The following MCFD2 variants were observed in gnomAD, a reference collection of about 807,000 sequenced individuals.
MCFD2 encodes the protein multiple coagulation factor deficiency 2, ER cargo receptor complex subunit, also known as multiple coagulation factor deficiency protein 2.
A neutral mutation model predicts 12.8 loss-of-function variants in MCFD2; 11 were observed. The ratio of observed to expected loss-of-function variants is 0.86; its 90% CI spans 0.54 to 1.42. The LOEUF is 1.42. MCFD2 is among the 40% of genes most tolerant of loss of function. MCFD2 has a pLI of 0.00. For synonymous variants in MCFD2, 70 were observed against 68.1 expected, an observed-to-expected ratio of 1.03 and a Z score of -0.14; for missense variants, 191 against 178.6, an observed-to-expected ratio of 1.07 and a Z score of -0.40.
chr2:46,909,560 T>C (rs1041287762), intron 1 of MCFD2, among the ~76,000 whole-genome samples: 2 of 152,106 alleles, frequency 1.3e-5, no homozygotes, highest in African/African-American at 4.8e-5. Context: ...GCGAAAACCC[T>C]CTAGGAGTTC....
At chr2:46,931,387 G>T (rs1192028233) in intron 1 of MCFD2, among the ~76,000 whole-genome samples, 1 of 152,238 alleles carries the variant, frequency 6.6e-6, no homozygotes. Flanking sequence ...TGCTCAGATT[G>T]AATGTTATTT....
At position 46,902,390 on chromosome 2, in the gene MCFD2, G is replaced by GCC. The variant is rs559484016; in HGVS notation, c.*3072_*3073insGG. 2.1e-3 allele frequency: 314 copies of GCC among 152,698 alleles called. 3 individuals carry two copies. Among genetic ancestry groups the GCC allele is most frequent in the Non-Finnish European group, 1.4e-3 (96 of 68,018 alleles). 9.5% of individuals were successfully genotyped at this position (152,698 alleles called of 1,614,324 possible). A position where few individuals can be genotyped will look rare whatever the true frequency, so the allele number is the denominator to read the frequency against. On this transcript the variant is annotated 3_prime_UTR_variant, in exon 4 of 4. Transcript: ENST00000319466. ...TAGGCCAGGTGGTAGTTTTACCCCTGCTGATAAAGTCCTGACATTCCTAAT... is the reference window on the plus strand; with the variant it reads ...TAGGCCAGGTGGTAGTTTTACCCCTGCCCTGATAAAGTCCTGACATTCCTAAT...
chr2:46,929,274 C>T (rs1424178937), intron 1 of MCFD2, among the ~76,000 whole-genome samples: 2 of 151,696 alleles, frequency 1.3e-5, no homozygotes, highest in Non-Finnish European at 2.9e-5. Context: ...GCTTGAGGCC[C>T]ACAGTTCTGA....
Position 46,908,133 on chromosome 2 carries a change from C to A in MCFD2, c.150-164G>T. On this transcript the variant is annotated intron_variant, in intron 2 of 3. Transcript: ENST00000319466. This position sits in a 1 kb window ranked among gnomAD's most constrained non-coding sequence, Gnocchi z 4.5. ...AGGATTACACAGAGATAGACAAGGC[C>A]TTGAGAGGAGCAGGAAAAGTCAAAT... The A allele has an allele frequency of 1.3e-6, 1 of 745,616 alleles. No homozygotes were observed. The highest frequency in any genetic ancestry group is 2.3e-6 in the Non-Finnish European group (1 of 433,532). 46.2% of individuals were successfully genotyped at this position (745,616 alleles called of 1,614,324 possible). A position where few individuals can be genotyped will look rare whatever the true frequency, so the allele number is the denominator to read the frequency against.
intron 1 of MCFD2, among the ~76,000 whole-genome samples, chr2:46,924,172 C>T (rs1419340825): frequency 6.6e-6 from 1 of 151,276 alleles, no homozygotes; most frequent in African/African-American, 2.4e-5. Flanking sequence ...CCACTGCACT[C>T]CAGTCTGGGT....
chr2:46,938,438 C>T (rs1480354172), intron 1 of MCFD2, among the ~76,000 whole-genome samples: 2 of 152,102 alleles, frequency 1.3e-5, no homozygotes, highest in African/African-American at 2.4e-5. Flanking sequence ...GTGCCTCGGA[C>T]CTTCAACCGA....
At position 46,907,569 on chromosome 2, in the gene MCFD2, T is replaced by C. The variant is rs569130286; in HGVS notation, c.309+241A>G. 5.8e-4 allele frequency: 297 copies of C among 512,906 alleles called. 15 individuals are homozygous for C. The highest frequency in any genetic ancestry group is 5.4e-3 in the South Asian group (269 of 49,440). The allele number at this position is 512,906 out of a possible 1,614,324, so 31.8% of individuals were successfully genotyped here. A position where few individuals can be genotyped will look rare whatever the true frequency, so the allele number is the denominator to read the frequency against. On this transcript the variant is annotated intron_variant, in intron 3 of 3. Coordinates refer to ENST00000319466, the MANE Select transcript of MCFD2 (RefSeq NM_139279.6). The surrounding 1 kb of genome is among the most constrained non-coding windows in gnomAD (Gnocchi z 4.1). Reference sequence around the variant, plus strand: ...CTGGCTAATTTTTTAATTTTTGTTTTGTTTGTTTTGTAGAGACAGGGTCTC... The same window carrying C: ...CTGGCTAATTTTTTAATTTTTGTTTCGTTTGTTTTGTAGAGACAGGGTCTC...
chr2:46,909,463 C>A (rs1173686815), intron 1 of MCFD2, among the ~76,000 whole-genome samples: 1 of 151,754 alleles, frequency 6.6e-6, no homozygotes, highest in Non-Finnish European at 1.5e-5. Flanking sequence ...TCTTGCCTCC[C>A]AGAAGTTATG....
intron 1 of MCFD2, among the ~76,000 whole-genome samples, chr2:46,922,497 G>T (rs1669155733): frequency 6.6e-6 from 1 of 152,068 alleles, no homozygotes. Context: ...CTCCAGACCT[G>T]AGTGCGGGCA....
intron 1 of MCFD2, among the ~76,000 whole-genome samples, chr2:46,913,524 C>G (rs1281892558): frequency 6.6e-6 from 1 of 152,214 alleles, no homozygotes; most frequent in East Asian, 1.9e-4. Context: ...CTCCCTCTAC[C>G]CAAATAACAG....
In MCFD2 at chr2:46,909,245, A is replaced by G. The variant is rs1417484849; in HGVS notation, c.-6-68T>C. 2.0e-6 allele frequency: 3 copies of G among 1,532,846 alleles called. No individual in the cohort carries two copies. The East Asian group carries it at 7.2e-5, about 37-fold the overall frequency. The allele number at this position is 1,532,846 out of a possible 1,614,324, so 95.0% of individuals were successfully genotyped here. ...GCAAAGGTTTCGTTCAGGGCTTGAC[A>G]TGGTATGATCCTGGGAAACCTGATG... On this transcript the variant is annotated intron_variant, in intron 1 of 3. Transcript: ENST00000319466.
intron 1 of MCFD2, among the ~76,000 whole-genome samples, chr2:46,922,573 T>G (rs748583561): frequency 2.6e-5 from 4 of 152,182 alleles, no homozygotes; most frequent in Admixed American, 2.0e-4. Context: ...GGCCAAGATA[T>G]ACAGCTTTAC....
rs140450167 is a variant in MCFD2, at chr2:46,921,390, A to C, written c.-7-13421T>G. 3.1e-4 allele frequency among the ~76,000 whole-genome samples: 47 copies of C among 152,338 alleles called. No individual in the cohort carries two copies. The East Asian group carries it at 9.1e-3, about 29-fold the overall frequency. Reference sequence around the variant, plus strand: ...GCAAGTAGAAATGGAAATGCTTAAAATACCATTATAATAGCATCCCAGAAC... The same window carrying C: ...GCAAGTAGAAATGGAAATGCTTAAACTACCATTATAATAGCATCCCAGAAC... On this transcript the variant is annotated intron_variant, in intron 1 of 2. Coordinates refer to the MCFD2 transcript ENST00000409147.
chr2:46,931,936 G>A (rs1669728301), intron 1 of MCFD2, among the ~76,000 whole-genome samples: 1 of 152,176 alleles, frequency 6.6e-6, no homozygotes, highest in South Asian at 2.1e-4. Context: ...TTCCAGAAAT[G>A]TGAGGACGGT....
rs551830661 is a variant in MCFD2 at position 46,908,963 on chromosome 2, G to A, written c.149+60C>T. 1,627 of 1,608,450 alleles carry A rather than the reference G, an allele frequency of 1.0e-3. 2 individuals are homozygous for A. Among genetic ancestry groups the A allele is most frequent in the Non-Finnish European group, 1.3e-3 (1,484 of 1,174,956 alleles). ...AAGGAGGACTGAGCATGCCCTTGCCGCTGGCTCAGCTGCAGATGATGGGGA... is the reference window on the plus strand; with the variant it reads ...AAGGAGGACTGAGCATGCCCTTGCCACTGGCTCAGCTGCAGATGATGGGGA... On this transcript the variant is annotated intron_variant, in intron 2 of 3. Coordinates refer to ENST00000319466, the MANE Select transcript of MCFD2 (RefSeq NM_139279.6). The surrounding 1 kb of genome is among the most constrained non-coding windows in gnomAD (Gnocchi z 4.5).
At position 46,907,585 on chromosome 2, in the gene MCFD2, A is replaced by C; in HGVS notation, c.309+225T>G. 4 of 566,114 alleles carry C rather than the reference A, an allele frequency of 7.1e-6. No individual in the cohort carries two copies. In the South Asian group the frequency reaches 7.8e-5, roughly 11 times the overall value. The allele number at this position is 566,114 out of a possible 1,614,324, so 35.1% of individuals were successfully genotyped here. On this transcript the variant is annotated intron_variant, in intron 3 of 3. Coordinates refer to ENST00000319466, the MANE Select transcript of MCFD2 (RefSeq NM_139279.6). The surrounding 1 kb of genome is among the most constrained non-coding windows in gnomAD (Gnocchi z 4.1). ...TTTTTGTTTTGTTTGTTTTGTAGAGACAGGGTCTCACTATATTGCCAAGGC... is the reference window on the plus strand; with the variant it reads ...TTTTTGTTTTGTTTGTTTTGTAGAGCCAGGGTCTCACTATATTGCCAAGGC...
intron 1 of MCFD2, among the ~76,000 whole-genome samples, chr2:46,927,881 GGTGTT>G (rs1669472702): frequency 2.2e-5 from 3 of 135,290 alleles, no homozygotes; most frequent in African/African-American, 8.5e-5. Flanking sequence ...GGGTTTTTTT[GGTGTT>G]TTTTTTTTTT....
In MCFD2 at chr2:46,927,449, C is replaced by T. The variant is rs574061472; in HGVS notation, c.-8+14123G>A. 6.0e-5 allele frequency among the ~76,000 whole-genome samples: 9 copies of T among 151,126 alleles called. No homozygotes were observed. In the South Asian group the frequency reaches 1.7e-3, roughly 28 times the overall value. ...TCGGCTCACTGCAGGCTCCACCTCCCGGGTTCACACCATTCTCCCACCTCA... is the reference window on the plus strand; with the variant it reads ...TCGGCTCACTGCAGGCTCCACCTCCTGGGTTCACACCATTCTCCCACCTCA... On this transcript the variant is annotated intron_variant, in intron 1 of 2. Coordinates refer to the MCFD2 transcript ENST00000409147.
chr2:46,915,278 G>A (rs1668674307), intron 1 of MCFD2, among the ~76,000 whole-genome samples: 1 of 152,228 alleles, frequency 6.6e-6, no homozygotes, highest in Admixed American at 6.5e-5. Flanking sequence ...TGGGCACCCG[G>A]GTGGATGGCC....
Sources: gnomAD v4.1 joint callset for allele counts (sites outside exome capture counted in the v4.1 genomes callset) on GRCh38, gnomAD v4.1.1 for gene constraint, Gnocchi (gnomAD v3.1) non-coding constraint, MANE v1.5 for transcripts, NCBI Gene and HGNC (gene_info 2026-07-23, HGNC 2026-07-21) for gene names.